The following PLEKHG1 variants were observed in gnomAD, a reference collection of about 807,000 sequenced individuals.
PLEKHG1 encodes the protein pleckstrin homology domain-containing family G member 1.
Under a neutral mutation model 100.8 loss-of-function variants are expected in PLEKHG1, and 44 were observed. The observed-to-expected ratio is 0.44, with a 90% CI of 0.34 to 0.56. PLEKHG1 has a LOEUF of 0.56. Among genes scored for constraint, PLEKHG1 ranks in the 20% least tolerant of loss-of-function variants. PLEKHG1 has a pLI of 0.01. For missense variants in PLEKHG1, 1,545 were observed against 1,720.9 expected, an observed-to-expected ratio of 0.90 and a Z score of 1.81; for synonymous variants, 640 against 662.5, an observed-to-expected ratio of 0.97 and a Z score of 0.52.
chr6:150,654,192 G>T (rs767421241), intron 3 of PLEKHG1, among the ~76,000 whole-genome samples: 1 of 152,234 alleles, frequency 6.6e-6, no homozygotes, highest in African/African-American at 2.4e-5. Context: ...TCCAAGGCAC[G>T]TCCAGGCACC....
At chr6:150,601,796 A>C (rs1239578586) in intron 1 of PLEKHG1, among the ~76,000 whole-genome samples, 4 of 152,142 alleles carry the variant, frequency 2.6e-5, no homozygotes, top group Non-Finnish European at 5.9e-5. Context: ...GTTACCTGGC[A>C]ATCAGATGCC....
At chr6:150,821,910 C>T (rs1169691597) in intron 13 of PLEKHG1, among the ~76,000 whole-genome samples, 1 of 149,914 alleles carries the variant, frequency 6.7e-6, no homozygotes. Context: ...AGCGCGATCT[C>T]GGCTCACCTC....
rs185738983 is a variant in PLEKHG1, at chr6:150,684,830, T to A, written c.-99+34044T>A. ...GGGAAATGACTTCATGGGCTTGCTGTTGAGCTGCTTCCCTTTGCATCTCCG... is the reference window on the plus strand; with the variant it reads ...GGGAAATGACTTCATGGGCTTGCTGATGAGCTGCTTCCCTTTGCATCTCCG... On this transcript the variant is annotated intron_variant, in intron 3 of 3. Coordinates refer to the PLEKHG1 transcript ENST00000367326. Among the ~76,000 whole-genome samples the A allele has an allele frequency of 7.9e-5, 12 of 152,280 alleles. No homozygotes were observed. The East Asian group carries it at 1.9e-3, about 25-fold the overall frequency.
intron 1 of PLEKHG1, among the ~76,000 whole-genome samples, chr6:150,630,281 C>T (rs938786229): frequency 1.3e-5 from 2 of 152,134 alleles, no homozygotes; most frequent in South Asian, 2.1e-4. Flanking sequence ...AGCTTCTTTG[C>T]GGAGAATCAG....
chr6:150,685,944 T>G (rs1456497093), intron 3 of PLEKHG1, among the ~76,000 whole-genome samples: 2 of 152,208 alleles, frequency 1.3e-5, no homozygotes, highest in Admixed American at 1.3e-4. Context: ...TCAGGCTGCC[T>G]ACAGCCAATT....
At chr6:150,732,378 G>C (rs1363425907) in intron 1 of PLEKHG1, among the ~76,000 whole-genome samples, 1 of 152,152 alleles carries the variant, frequency 6.6e-6, no homozygotes, top group Admixed American at 6.5e-5. Context: ...TGGAATGCCA[G>C]TTTCTAAGAA....
At chr6:150,736,940 G>T (rs904892454) in intron 2 of PLEKHG1, among the ~76,000 whole-genome samples, 6 of 152,118 alleles carry the variant, frequency 3.9e-5, no homozygotes, top group African/African-American at 1.4e-4. Flanking sequence ...CCCAGAAGGG[G>T]GTGAGTATTG....
At chr6:150,716,472 G>A (rs1026151112), upstream of PLEKHG1, among the ~76,000 whole-genome samples, 2 of 152,176 alleles carry the variant, frequency 1.3e-5, no homozygotes, top group Non-Finnish European at 2.9e-5. Flanking sequence ...ACCCAAAAAT[G>A]TCTGCATGCC....
chr6:150,827,764 A>G (rs1776695512), intron 14 of PLEKHG1: 1 of 1,415,902 alleles, frequency 7.1e-7, no homozygotes, highest in East Asian at 2.3e-5. Flanking sequence ...GAGGAGGCAG[A>G]AGAGGAGCAG....
chr6:150,777,960 A>G (rs1467833577), intron 3 of PLEKHG1, among the ~76,000 whole-genome samples: 13 of 152,232 alleles, frequency 8.5e-5, no homozygotes, highest in Admixed American at 8.5e-4. Context: ...ACTGCATTCC[A>G]GGCCCCGACT....
chr6:150,644,334 G>GTTTTGTTTTGTTTTTT (rs1554255839), intron 2 of PLEKHG1, among the ~76,000 whole-genome samples: 1 of 117,622 alleles, frequency 8.5e-6, no homozygotes, highest in African/African-American at 3.5e-5. Flanking sequence ...TTCTTTTCGT[G>GTTTTGTTTTGTTTTTT]TTTTTTTTTT....
At chr6:150,654,678 C>T (rs1778894331) in intron 3 of PLEKHG1, among the ~76,000 whole-genome samples, 1 of 152,258 alleles carries the variant, frequency 6.6e-6, no homozygotes, top group African/African-American at 2.4e-5. Flanking sequence ...CTCAGCCCTT[C>T]ACATGTCTTC....
At chr6:150,777,401 T>C (rs1382153367) in intron 3 of PLEKHG1, among the ~76,000 whole-genome samples, 1 of 143,666 alleles carries the variant, frequency 7.0e-6, no homozygotes, top group Non-Finnish European at 1.5e-5. Context: ...TGCACATGTG[T>C]GGTTGCACAT....
intron 2 of PLEKHG1, among the ~76,000 whole-genome samples, chr6:150,754,442 T>A (rs1371132666): frequency 6.6e-6 from 1 of 152,034 alleles, no homozygotes; most frequent in Non-Finnish European, 1.5e-5. Flanking sequence ...TTAGATAGGT[T>A]TGAAAAGTTG....
At chr6:150,819,684 C>T (rs1446160359) in exon 12 of PLEKHG1, 1 of 1,602,652 alleles carries the variant, frequency 6.2e-7, no homozygotes, top group African/African-American at 1.3e-5. Flanking sequence ...TACAGATCAT[C>T]CAGGCTTCTG....
intron 4 of PLEKHG1, among the ~76,000 whole-genome samples, chr6:150,788,851 G>A (rs901752480): frequency 2.6e-5 from 4 of 152,098 alleles, no homozygotes; most frequent in Admixed American, 1.3e-4. Context: ...CCCAGGGAGT[G>A]AGTGTGTGTG....
Position 150,611,141 on chromosome 6 carries a change from T to C in PLEKHG1, c.-204+11124T>C, listed in dbSNP as rs75205528. On this transcript the variant is annotated intron_variant, in intron 1 of 3. Coordinates refer to the PLEKHG1 transcript ENST00000367326. ...TGGCACACCATTGACCTTTAATCAG[T>C]TGTTTGCCTTGAATTTTGGTCCACT... Among the ~76,000 whole-genome samples, 756 of 152,314 alleles carry C rather than the reference T, an allele frequency of 5.0e-3. 6 individuals are homozygous for C. The highest frequency in any genetic ancestry group is 0.017 in the African/African-American group (727 of 41,562).
intron 14 of PLEKHG1, among the ~76,000 whole-genome samples, chr6:150,826,455 C>A (rs768517586): frequency 3.3e-5 from 5 of 152,096 alleles, no homozygotes; most frequent in Admixed American, 1.3e-4. Context: ...GAGACTCTGT[C>A]TCAAAAAATA....
At chr6:150,764,680 C>A (rs113165884) in intron 2 of PLEKHG1, among the ~76,000 whole-genome samples, 1 of 152,244 alleles carries the variant, frequency 6.6e-6, no homozygotes, top group African/African-American at 2.4e-5. Flanking sequence ...TTACCCTGTG[C>A]CTTTGTTTAC....
Sources: gnomAD v4.1 joint callset for allele counts (sites outside exome capture counted in the v4.1 genomes callset) on GRCh38, gnomAD v4.1.1 for gene constraint, MANE v1.5 for transcripts, NCBI Gene and HGNC (gene_info 2026-07-23, HGNC 2026-07-21) for gene names.